The following ZNF805 variants were observed in gnomAD, a reference collection of about 807,000 sequenced individuals.
ZNF805 encodes zinc finger protein 805.
A neutral mutation model predicts 13.6 loss-of-function variants in ZNF805; 7 were observed. That is an observed-to-expected ratio of 0.51 (90% CI 0.29 to 0.97). The LOEUF is 0.97. ZNF805 is among the 50% of genes least tolerant of loss of function. The probability of loss-of-function intolerance (pLI) is 0.08; values close to 1 mark genes in which losing one functional copy is unlikely to be tolerated. For missense variants in ZNF805, 604 were observed against 771.0 expected (o/e 0.78, Z 2.57); for synonymous variants, 293 against 279.8 (o/e 1.05, Z -0.47).
At position 57,253,468 on chromosome 19, in the gene ZNF805, C is replaced by T. The variant is rs1194506024; in HGVS notation, c.649C>T (p.Leu217=). The T allele has an allele frequency of 1.3e-6, 2 of 1,595,098 alleles. No homozygotes were observed. The highest frequency in any genetic ancestry group is 1.3e-5 in the African/African-American group (1 of 74,582). ...ECEKVFNKKR[L]LARHERIHSG... is the part of the protein sequence containing the mutation. ...TGAAAAAGTGTTTAACAAGAAACGC[C>T]TGCTTGCTCGGCATGAGAGGATTCA... The change falls in exon 4 of 4, where the codon CTG becomes TTG. Residue 217 remains leucine, a synonymous_variant. Coordinates refer to ENST00000414468, the MANE Select transcript of ZNF805 (RefSeq NM_001023563.4). This position sits in a 1 kb window ranked among gnomAD's most constrained non-coding sequence, Gnocchi z 4.4.
In ZNF805 at chr19:57,258,075, AGT is replaced by A. The variant is rs1308786053; in HGVS notation, c.*3373_*3374del. Among the ~76,000 whole-genome samples the A allele has an allele frequency of 1.0e-4, 14 of 139,732 alleles. No homozygotes were observed. The highest frequency in any genetic ancestry group is 2.0e-4 in the Non-Finnish European group (13 of 66,256). 91.7% of individuals were successfully genotyped at this position (139,732 alleles called of 152,430 possible). On this transcript the variant is annotated 3_prime_UTR_variant, in exon 4 of 4. Transcript: ENST00000414468. ...CGCCCTGGCTGGAGTGCAGTGGCGC[AGT>A]CTGCAACCTCTGCCTCCCGGGTTCA...
Position 57,248,617 on chromosome 19 carries a change from C to A in ZNF805, c.170C>A (p.Pro57His), listed in dbSNP as rs753496666. The A allele has an allele frequency of 2.5e-6, 4 of 1,593,432 alleles. No individual in the cohort carries two copies. The South Asian group carries it at 3.4e-5, about 14-fold the overall frequency. ...GLLVSLGCPV[P>H]RPELIYHLEH... ...TCTCCATAAACAGGGTGTCCTGTTC[C>A]CAGACCTGAGCTGATCTACCACCTA... Residue 57 changes from proline (P) to histidine (H), a missense_variant, in exon 3 of 4, where the codon CCC (proline) becomes CAC (histidine). Physicochemically the swap from Pro to His is moderately conservative, Grantham distance 77. Transcript: ENST00000414468.
intron 2 of ZNF805, among the ~76,000 whole-genome samples, chr19:57,246,341 T>C (rs895427377): frequency 2.0e-5 from 3 of 152,210 alleles, no homozygotes; most frequent in African/African-American, 7.2e-5. Flanking sequence ...GCCCAGCTAA[T>C]TTTTGTATAC....
chr19:57,246,774 C>CAAAAA (rs1168593434), intron 2 of ZNF805, among the ~76,000 whole-genome samples: 7 of 86,216 alleles, frequency 8.1e-5, no homozygotes, highest in Non-Finnish European at 1.0e-4. Context: ...GACTTCGTCT[C>CAAAAA]AAAAAAAAAA....
rs1212794575 is a variant in ZNF805, at chr19:57,240,926, G to A, written c.30+5G>A. On this transcript the variant is annotated splice_donor_5th_base_variant and intron_variant, in intron 1 of 3. Transcript: ENST00000414468. ...GCTTTGACGGACCCGGCGCAGGTGA[G>A]TGGACAAGGTTTCGGCCTTGCTGCT... is the stretch of plus-strand genomic sequence containing the variant. 6.4e-7 allele frequency: 1 copy of A among 1,559,826 alleles called. No individual in the cohort carries two copies. Among genetic ancestry groups the A allele is most frequent in the Non-Finnish European group, 8.7e-7 (1 of 1,152,236 alleles).
rs1245015068 is a variant in ZNF805, at chr19:57,253,085, A to T, written c.266A>T (p.Lys89Ile). ...SQGTCPGDKG[K>I]PKSTEPTTCE... ...GGATTTCTTTCAGGTGACAAAGGAAAACCCAAGAGCACAGAACCTACCACC... is the reference window on the plus strand; with the variant it reads ...GGATTTCTTTCAGGTGACAAAGGAATACCCAAGAGCACAGAACCTACCACC... Residue 89 changes from lysine to isoleucine, a missense_variant, in exon 4 of 4, where the codon AAA becomes ATA. Lys to Ile is a moderately radical substitution (Grantham distance 102). This residue lies in a region of ZNF805 where 327 missense variants were observed against 378.2 expected (regional missense o/e 0.86). Coordinates refer to ENST00000414468, the MANE Select transcript of ZNF805 (RefSeq NM_001023563.4). This position sits in a 1 kb window ranked among gnomAD's most constrained non-coding sequence, Gnocchi z 4.4. 1 of 1,444,068 alleles carries T rather than the reference A, an allele frequency of 6.9e-7. No individual in the cohort carries two copies. The highest frequency in any genetic ancestry group is 1.4e-5 in the African/African-American group (1 of 69,726). 89.5% of individuals were successfully genotyped at this position (1,444,068 alleles called of 1,614,324 possible). A position where few individuals can be genotyped will look rare whatever the true frequency, so the allele number is the denominator to read the frequency against.
At chr19:57,249,193 A>G (rs556307699) in intron 3 of ZNF805, among the ~76,000 whole-genome samples, 1 of 152,192 alleles carries the variant, frequency 6.6e-6, no homozygotes, top group South Asian at 2.1e-4. Context: ...TCTTGCTGGT[A>G]GAGAATTAAG....
rs1028424641 is a variant in ZNF805, at chr19:57,254,997, G to C, written c.*294G>C. On this transcript the variant is annotated 3_prime_UTR_variant, in exon 4 of 4. Coordinates refer to ENST00000414468, the MANE Select transcript of ZNF805 (RefSeq NM_001023563.4). ...GTCCTGTGTCAGGAAAGTTAGTAAG[G>C]GAAGGTCTGGAAACTTACTCAATGT... 1.5e-5 allele frequency: 4 copies of C among 271,614 alleles called. No homozygotes were observed. The highest frequency in any genetic ancestry group is 8.9e-5 in the African/African-American group (4 of 44,802). 16.8% of individuals were successfully genotyped at this position (271,614 alleles called of 1,614,324 possible). A position where few individuals can be genotyped will look rare whatever the true frequency, so the allele number is the denominator to read the frequency against.
rs989312091 is a variant in ZNF805, at chr19:57,260,753, C to A, written c.*6050C>A. The stretch of plus-strand genomic sequence containing the variant: ...CTGTGTCTCCAGGTTGGATGTTTCT[C>A]ATGTCGTTAACCACTGGTCATCCTT... On this transcript the variant is annotated 3_prime_UTR_variant, in exon 4 of 4. Transcript: ENST00000414468. Among the ~76,000 whole-genome samples, 7 of 152,324 alleles carry A rather than the reference C, an allele frequency of 4.6e-5. No individual in the cohort carries two copies. The East Asian group carries it at 1.4e-3, about 29-fold the overall frequency.
Position 57,254,031 on chromosome 19 carries a change from T to C in ZNF805, c.1212T>C (p.Cys404=). 1.2e-6 allele frequency: 2 copies of C among 1,613,268 alleles called. No homozygotes were observed. Among genetic ancestry groups the C allele is most frequent in the Non-Finnish European group, 1.7e-6 (2 of 1,179,692 alleles). The part of the protein sequence containing the change: ...TGEKPFECLE[C]GKAFNHRSYL... ...AGAAGCCCTTTGAGTGCCTCGAGTG[T>C]GGGAAGGCTTTCAACCACCGATCCT... Residue 404 remains cysteine, a synonymous_variant, in exon 4 of 4, where the codon TGT becomes TGC. Transcript: ENST00000414468.
chr19:57,249,453 T>A (rs2087638630), intron 3 of ZNF805, among the ~76,000 whole-genome samples: 1 of 152,022 alleles, frequency 6.6e-6, no homozygotes, highest in African/African-American at 2.4e-5. Flanking sequence ...CATTGGGCAG[T>A]TTGAAGTTGT....
At chr19:57,245,591 A>C in intron 2 of ZNF805, among the ~76,000 whole-genome samples, 1 of 148,746 alleles carries the variant, frequency 6.7e-6, no homozygotes, top group East Asian at 2.0e-4. Context: ...CATCCTGGCT[A>C]ACACGGTGCA....
rs2087719373 is a variant in ZNF805 at position 57,260,783 on chromosome 19, A to C, written c.*6080A>C. ...CGTTAACCACTGGTCATCCTTCCACACCTTTTCTGTATTTGCACTCACTGA... is the reference window on the plus strand; with the variant it reads ...CGTTAACCACTGGTCATCCTTCCACCCCTTTTCTGTATTTGCACTCACTGA... On this transcript the variant is annotated 3_prime_UTR_variant, in exon 4 of 4. Coordinates refer to ENST00000414468, the MANE Select transcript of ZNF805 (RefSeq NM_001023563.4). Among the ~76,000 whole-genome samples the C allele has an allele frequency of 6.6e-6, 1 of 152,026 alleles. No individual in the cohort carries two copies. Among genetic ancestry groups the C allele is most frequent in the Admixed American group, 6.5e-5 (1 of 15,272 alleles).
Position 57,253,627 on chromosome 19 carries a change from C to T in ZNF805, c.808C>T (p.Arg270Trp), listed in dbSNP as rs539022957. The change falls in exon 4 of 4, where the codon CGG (arginine) becomes TGG (tryptophan). Residue 270 changes from arginine to tryptophan, a missense_variant. Physicochemically the swap from Arg to Trp is moderately radical, Grantham distance 101 (BLOSUM62 -3). This residue lies in a region of ZNF805 where 327 missense variants were observed against 378.2 expected (regional missense o/e 0.86). Transcript: ENST00000414468. The surrounding 1 kb of genome is among the most constrained non-coding windows in gnomAD (Gnocchi z 4.4). ...CATGGAGTGTGGGAAGGCTTTTAAT[C>T]GGAAGTCACACCTTACCCAGCACCA... ...KCMECGKAFNRKSHLTQHQRI... is the reference protein window; with the variant it reads ...KCMECGKAFNWKSHLTQHQRI... The T allele has an allele frequency of 5.6e-6, 9 of 1,613,524 alleles. No individual in the cohort carries two copies. The highest frequency in any genetic ancestry group is 1.3e-5 in the African/African-American group (1 of 74,804).
In ZNF805 at chr19:57,258,868, G is replaced by C. The variant is rs1472780297; in HGVS notation, c.*4165G>C. Among the ~76,000 whole-genome samples, 5 of 152,092 alleles carry C rather than the reference G, an allele frequency of 3.3e-5. No individual in the cohort carries two copies. Among genetic ancestry groups the C allele is most frequent in the African/African-American group, 4.8e-5 (2 of 41,404 alleles). ...TTGTGTAACCTTTTTTCTAGGGTCA[G>C]TCTGCTGGTGTCTCTAAAAGTGTCT... On this transcript the variant is annotated 3_prime_UTR_variant, in exon 4 of 4. Transcript: ENST00000414468.
intron 1 of ZNF805, among the ~76,000 whole-genome samples, chr19:57,242,347 G>A (rs536912486): frequency 6.6e-6 from 1 of 152,332 alleles, no homozygotes; most frequent in African/African-American, 2.4e-5. Context: ...TGTAGACAAA[G>A]GCAAAGTGTG....
chr19:57,253,438 G>T lies in ZNF805; in HGVS notation c.619G>T (p.Glu207Ter). 6.4e-7 allele frequency: 1 copy of T among 1,570,260 alleles called. No homozygotes were observed. Among genetic ancestry groups the T allele is most frequent in the Non-Finnish European group, 8.6e-7 (1 of 1,157,122 alleles). Residue 207 changes from glutamate to a stop codon, truncating the protein, a stop_gained, in exon 4 of 4, where the codon GAA becomes TAA. Coordinates refer to ENST00000414468, the MANE Select transcript of ZNF805 (RefSeq NM_001023563.4). LOFTEE classifies it low-confidence loss of function (END_TRUNC). This position sits in a 1 kb window ranked among gnomAD's most constrained non-coding sequence, Gnocchi z 4.4. ...QEEENIFKCN[E>*]CEKVFNKKRL... ...AGAGGAAAATATCTTTAAATGCAAT[G>T]AATGTGAAAAAGTGTTTAACAAGAA...
rs1005082345 is a variant in ZNF805, at chr19:57,260,226, T to C, written c.*5523T>C. 5.9e-5 allele frequency among the ~76,000 whole-genome samples: 9 copies of C among 152,224 alleles called. No homozygotes were observed. The highest frequency in any genetic ancestry group is 1.9e-4 in the African/African-American group (8 of 41,450). The stretch of plus-strand genomic sequence containing the variant: ...CTGTCTTTCATACTCTTGTTTAGTC[T>C]TTAACTTCTCCTTATTAACCAGCTT... On this transcript the variant is annotated 3_prime_UTR_variant, in exon 4 of 4. Transcript: ENST00000414468.
In ZNF805 at chr19:57,244,062, C is replaced by T; in HGVS notation, c.157+13C>T. 2 of 1,612,042 alleles carry T rather than the reference C, an allele frequency of 1.2e-6. No homozygotes were observed. Among genetic ancestry groups the T allele is most frequent in the Non-Finnish European group, 1.7e-6 (2 of 1,178,772 alleles). On this transcript the variant is annotated intron_variant, in intron 2 of 3. Transcript: ENST00000414468. ...CTGGTATCTCTGGGTAAGGCCTTCC[C>T]CCTCCACCATGCAGGGGATCTGCCA...
Sources: allele counts gnomAD v4.1 joint callset (sites outside exome capture counted in the v4.1 genomes callset), GRCh38; gene constraint gnomAD v4.1.1; regional missense constraint gnomAD v4.1.1; non-coding constraint Gnocchi (gnomAD v3.1); transcripts MANE v1.5; gene names NCBI Gene and HGNC (gene_info 2026-07-23, HGNC 2026-07-21).